UBE2F: variants seen among roughly 807,000 people sequenced by gnomAD.
UBE2F encodes ubiquitin conjugating enzyme E2 F (putative), also known as NEDD8-conjugating enzyme UBE2F.
In UBE2F, 5 loss-of-function variants were observed where a neutral mutation model predicts 29.6. The ratio of observed to expected loss-of-function variants is 0.17; its 90% CI spans 0.09 to 0.36. The LOEUF (loss-of-function observed/expected upper bound fraction) is 0.36. Among genes scored for constraint, UBE2F ranks in the 10% least tolerant of loss-of-function variants. The pLI, the probability that UBE2F is intolerant of heterozygous loss-of-function variation, is 1.00. For synonymous variants in UBE2F, 66 were observed against 81.8 expected (o/e 0.81, Z 1.04); for missense variants, 141 against 228.5 (o/e 0.62, Z 2.47).
At position 237,977,342 on chromosome 2, in the gene UBE2F, T is replaced by C. The variant is rs563964590; in HGVS notation, c.118+4117T>C. ...CAGAGTCCAAAGCACTGGCGATAAA[T>C]GGCAGTAGAACTCAGTGTAACCTCC... is the stretch of plus-strand genomic sequence containing the variant. On this transcript the variant is annotated intron_variant, in intron 2 of 9. Coordinates refer to ENST00000272930, the MANE Select transcript of UBE2F (RefSeq NM_080678.3). Among the ~76,000 whole-genome samples, 4 of 152,358 alleles carry C rather than the reference T, an allele frequency of 2.6e-5. No homozygotes were observed. In the South Asian group the frequency reaches 8.3e-4, roughly 32 times the overall value.
intron 9 of UBE2F, among the ~76,000 whole-genome samples, chr2:238,036,929 G>T (rs558394054): frequency 6.6e-6 from 1 of 152,238 alleles, no homozygotes; most frequent in African/African-American, 2.4e-5. Context: ...CACACCTTTT[G>T]TTGAGCTCAT....
chr2:237,986,629 A>C (rs1055665795), intron 2 of UBE2F, among the ~76,000 whole-genome samples: 1 of 152,174 alleles, frequency 6.6e-6, no homozygotes, highest in African/African-American at 2.4e-5. Context: ...TTCTTCTAGG[A>C]GTTTTATACT....
At chr2:238,002,675 G>A (rs949194489) in intron 4 of UBE2F, among the ~76,000 whole-genome samples, 32 of 152,106 alleles carry the variant, frequency 2.1e-4, no homozygotes, top group African/African-American at 7.5e-4. Flanking sequence ...GCAGTGGCGC[G>A]ATCTTGACTC....
intron 4 of UBE2F, among the ~76,000 whole-genome samples, chr2:238,002,032 G>A (rs1241877589): frequency 6.7e-6 from 1 of 149,044 alleles, no homozygotes; most frequent in Non-Finnish European, 1.5e-5. Flanking sequence ...AGGAGGAGAA[G>A]TTTCTGAATG....
chr2:237,991,002 T>G (rs1465342043), intron 3 of UBE2F, among the ~76,000 whole-genome samples: 1 of 152,168 alleles, frequency 6.6e-6, no homozygotes, highest in Non-Finnish European at 1.5e-5. Flanking sequence ...TTACAGAGAT[T>G]GTTGGTTTTT....
Position 238,036,468 on chromosome 2 carries a change from C to T in UBE2F, c.507+528C>T, listed in dbSNP as rs796542595. ...ATGCTGGGATTACAGGCATGAGCTA[C>T]GGCGCCCAGCCGAGAAGTGATTTTT... On this transcript the variant is annotated intron_variant, in intron 9 of 9. Transcript: ENST00000272930. Among the ~76,000 whole-genome samples the T allele has an allele frequency of 6.6e-5, 9 of 136,224 alleles. No homozygotes were observed. The South Asian group carries it at 1.5e-3, about 22-fold the overall frequency. The allele number at this position is 136,224 out of a possible 152,430, so 89.4% of individuals were successfully genotyped here. A position where few individuals can be genotyped will look rare whatever the true frequency, so the allele number is the denominator to read the frequency against.
intron 4 of UBE2F, among the ~76,000 whole-genome samples, chr2:238,015,094 A>G (rs1037120031): frequency 2.6e-5 from 4 of 152,274 alleles, no homozygotes; most frequent in African/African-American, 9.6e-5. Context: ...AATGTAATCT[A>G]TGAAACCATT....
intron 9 of UBE2F, among the ~76,000 whole-genome samples, chr2:238,036,145 G>A (rs1301703847): frequency 1.3e-5 from 2 of 151,922 alleles, no homozygotes; most frequent in African/African-American, 2.4e-5. Context: ...GAGAGAATTG[G>A]TGTGTGTTTG....
In UBE2F at chr2:238,016,550, T is replaced by C; in HGVS notation, c.215-16T>C. The stretch of plus-strand genomic sequence containing the variant: ...ATTTAAAGGATTTTTTTGTTTTGTT[T>C]TGTGTTTTTTGATAGATGAGGGTTA... On this transcript the variant is annotated splice_polypyrimidine_tract_variant and intron_variant, in intron 4 of 9. Transcript: ENST00000272930. 1 of 1,601,714 alleles carries C rather than the reference T, an allele frequency of 6.2e-7. No homozygotes were observed. Among genetic ancestry groups the C allele is most frequent in the African/African-American group, 1.3e-5 (1 of 74,176 alleles).
intron 2 of UBE2F, among the ~76,000 whole-genome samples, chr2:237,986,583 G>T (rs2106341270): frequency 6.6e-6 from 1 of 152,174 alleles, no homozygotes; most frequent in South Asian, 2.1e-4. Flanking sequence ...AAAAATCATT[G>T]CCAAGGCCCT....
chr2:237,989,509 C>T (rs1021805412), intron 3 of UBE2F, among the ~76,000 whole-genome samples: 2 of 151,998 alleles, frequency 1.3e-5, no homozygotes, highest in Non-Finnish European at 2.9e-5. Flanking sequence ...TGCACCACCA[C>T]GCCAGGCTAA....
chr2:238,025,581 C>T (rs1364549879), intron 6 of UBE2F, among the ~76,000 whole-genome samples, 169 bp downstream of exon 6: 2 of 152,152 alleles, frequency 1.3e-5, no homozygotes, highest in Admixed American at 6.5e-5. Flanking sequence ...CAAACCCTAC[C>T]CTACCTTCTG....
At chr2:238,005,083 G>C (rs1279606647) in intron 4 of UBE2F, among the ~76,000 whole-genome samples, 1 of 152,206 alleles carries the variant, frequency 6.6e-6, no homozygotes, top group Non-Finnish European at 1.5e-5. Flanking sequence ...TCAAGGCACA[G>C]AGTTTGTGGA....
chr2:238,031,387 G>A (rs2064574292), intron 7 of UBE2F, among the ~76,000 whole-genome samples: 1 of 152,186 alleles, frequency 6.6e-6, no homozygotes, highest in Non-Finnish European at 1.5e-5. Context: ...CATGAACAGT[G>A]CTGGCCTGCT....
At chr2:237,987,808 T>C (rs2063510097) in intron 2 of UBE2F, among the ~76,000 whole-genome samples, 155 bp from the exon 3 acceptor site, 3 of 152,012 alleles carry the variant, frequency 2.0e-5, no homozygotes, top group Admixed American at 2.0e-4. Flanking sequence ...AGCAGCTAAA[T>C]GGCTTAAAGT....
chr2:237,970,332 G>A (rs577840040), intron 1 of UBE2F, among the ~76,000 whole-genome samples: 10 of 152,152 alleles, frequency 6.6e-5, no homozygotes, highest in Admixed American at 5.9e-4. Flanking sequence ...CTCAAGTCAC[G>A]CCACTGCACT....
chr2:237,988,130 G>A (rs2063518563), intron 3 of UBE2F, 138 bp downstream of exon 3: 1 of 582,542 alleles, frequency 1.7e-6, no homozygotes, highest in Non-Finnish European at 2.9e-6. Context: ...CTGTGAAAAG[G>A]TAGGATTTTT....
At position 238,042,121 on chromosome 2, in the gene UBE2F, C is replaced by G. The variant is rs184794878; in HGVS notation, c.*783C>G. On this transcript the variant is annotated 3_prime_UTR_variant, in exon 10 of 10. Transcript: ENST00000272930. ...AAAAATCAGCTCTTGCTTTCGGGTC[C>G]GGATGTGGTGAGCACATTTTGGAGC... is the stretch of plus-strand genomic sequence containing the variant. 6.6e-6 allele frequency: 1 copy of G among 152,192 alleles called. No homozygotes were observed. The highest frequency in any genetic ancestry group is 1.9e-4 in the East Asian group (1 of 5,198). The allele number at this position is 152,192 out of a possible 1,614,324, so 9.4% of individuals were successfully genotyped here. A position where few individuals can be genotyped will look rare whatever the true frequency, so the allele number is the denominator to read the frequency against.
intron 3 of UBE2F, chr2:237,990,389 A>G (rs1232201671): frequency 2.2e-6 from 1 of 456,212 alleles, no homozygotes; most frequent in Admixed American, 2.5e-5. Context: ...TTGAGCCTGT[A>G]TATACATGTA....
Sources: gnomAD v4.1 joint callset for allele counts (sites outside exome capture counted in the v4.1 genomes callset) on GRCh38, gnomAD v4.1.1 for gene constraint, MANE v1.5 for transcripts, NCBI Gene and HGNC (gene_info 2026-07-23, HGNC 2026-07-21) for gene names.